The following CERS3 variants were observed in gnomAD, a reference collection of about 807,000 sequenced individuals.
CERS3 encodes LAG1 homolog, ceramide synthase 3.
A neutral mutation model predicts 50.3 loss-of-function variants in CERS3; 33 were observed. That is an observed-to-expected ratio of 0.66 (90% confidence interval 0.50 to 0.88). The LOEUF (loss-of-function observed/expected upper bound fraction) is 0.88, where lower values mean the gene tolerates loss of function less well. Ranked by LOEUF, CERS3 falls within the 40% of genes least tolerant of loss-of-function variation. CERS3 has a pLI of 0.00. For synonymous variants in CERS3, 176 were observed against 155.2 expected (o/e 1.13, Z -0.99); for missense variants, 470 against 460.3 (o/e 1.02, Z -0.19).
intron 10 of CERS3, among the ~76,000 whole-genome samples, chr15:100,464,694 T>G (rs149174433): frequency 4.4e-4 from 67 of 152,278 alleles, no homozygotes; most frequent in African/African-American, 1.6e-3. Context: ...AATTCCAAAC[T>G]AGAGAAATCA....
intron 11 of CERS3, among the ~76,000 whole-genome samples, chr15:100,442,867 G>A (rs1035853182): frequency 7.2e-5 from 11 of 152,092 alleles, no homozygotes; most frequent in South Asian, 2.1e-4. Context: ...TAATCAATAC[G>A]GAGGCTACCC....
chr15:100,443,012 T>C (rs1363539037), intron 11 of CERS3, among the ~76,000 whole-genome samples: 1 of 151,698 alleles, frequency 6.6e-6, no homozygotes, highest in Non-Finnish European at 1.5e-5. Context: ...TTTTAAGCAC[T>C]CCTTTTTAGT....
At chr15:100,488,741 TTCAATAGATGAAG>T (rs1288524470) in intron 4 of CERS3, among the ~76,000 whole-genome samples, 1 of 152,034 alleles carries the variant, frequency 6.6e-6, no homozygotes, top group African/African-American at 2.4e-5. Context: ...ACCTTTTTGG[TTCAATAGATGAAG>T]CTAACACTTC....
chr15:100,423,526 C>G (rs1024234636), intron 11 of CERS3, among the ~76,000 whole-genome samples: 42 of 152,156 alleles, frequency 2.8e-4, no homozygotes, highest in African/African-American at 9.9e-4. Context: ...GAGCAGAAAA[C>G]CAAGTACTGT....
intron 2 of CERS3, chr15:100,503,894 A>G (rs780311823): frequency 6.5e-5 from 24 of 371,824 alleles, no homozygotes; most frequent in Admixed American, 4.1e-4. Context: ...CCCCAGAGAG[A>G]AGTGAGATTG....
In CERS3 at chr15:100,501,810, A is replaced by G. The variant is rs1446258628; in HGVS notation, c.40T>C (p.Phe14Leu). ...TFKEWFWLER[F>L]WLPPTIKWSD... is the part of the protein sequence containing the mutation. Reference sequence around the variant, plus strand: ...CACTTTATTGTTGGAGGAAGCCAGAATCTTTCCAACCAGAACCATTCTTTA... The same window carrying G: ...CACTTTATTGTTGGAGGAAGCCAGAGTCTTTCCAACCAGAACCATTCTTTA... Residue 14 changes from phenylalanine (F) to leucine (L), a missense_variant, in exon 3 of 12, where the codon TTC becomes CTC. Coordinates refer to ENST00000679737, the MANE Select transcript of CERS3 (RefSeq NM_001378789.1). 1.9e-6 allele frequency: 3 copies of G among 1,614,088 alleles called. No homozygotes were observed. The highest frequency in any genetic ancestry group is 2.5e-6 in the Non-Finnish European group (3 of 1,180,008).
chr15:100,466,812 C>CCTCT (rs1393821849), intron 10 of CERS3, among the ~76,000 whole-genome samples: 2,607 of 15,898 alleles, frequency 0.16, 478 homozygotes, highest in Middle Eastern at 0.32. Context: ...TCCCTCCCTC[C>CCTCT]CTCCCTCTCT....
At position 100,471,679 on chromosome 15, in the gene CERS3, C is replaced by T. The variant is rs142293238; in HGVS notation, c.738+1245G>A. Among the ~76,000 whole-genome samples the T allele has an allele frequency of 1.9e-3, 296 of 152,316 alleles. 1 individual carries two copies. Among genetic ancestry groups the T allele is most frequent in the African/African-American group, 6.8e-3 (282 of 41,568 alleles). ...CAGCACCATACAGAAAAAAACGGCA[C>T]AATCCTTCTCCTGCTAAGTCATTTG... On this transcript the variant is annotated intron_variant, in intron 9 of 11. Coordinates refer to ENST00000679737, the MANE Select transcript of CERS3 (RefSeq NM_001378789.1).
chr15:100,498,607 T>G (rs1204046775), intron 3 of CERS3, among the ~76,000 whole-genome samples: 1 of 152,236 alleles, frequency 6.6e-6, no homozygotes, highest in Non-Finnish European at 1.5e-5. Flanking sequence ...ATTGCAGAAC[T>G]GAGCCTTCAG....
At chr15:100,479,236 C>T (rs1003384226) in intron 7 of CERS3, among the ~76,000 whole-genome samples, 192 bp downstream of exon 7, 1 of 151,846 alleles carries the variant, frequency 6.6e-6, no homozygotes, top group Admixed American at 6.6e-5. Context: ...TATGTAATTA[C>T]ATTAACTGTA....
At chr15:100,479,628 C>A in intron 6 of CERS3, 150 bp from the exon 7 acceptor site, 1 of 616,550 alleles carries the variant, frequency 1.6e-6, no homozygotes, top group Admixed American at 3.1e-5. Flanking sequence ...TATTCTTTTG[C>A]TTCTATTGCA....
chr15:100,456,685 G>A (rs1452100619), intron 10 of CERS3, among the ~76,000 whole-genome samples: 1 of 152,146 alleles, frequency 6.6e-6, no homozygotes, highest in South Asian at 2.1e-4. Flanking sequence ...GGTGGCTCAT[G>A]CCTGTAATAC....
chr15:100,493,799 A>C (rs1411622713), intron 3 of CERS3, among the ~76,000 whole-genome samples: 1 of 152,136 alleles, frequency 6.6e-6, no homozygotes, highest in Non-Finnish European at 1.5e-5. Flanking sequence ...GATTTCAGTC[A>C]TTGTAGTTTT....
intron 11 of CERS3, among the ~76,000 whole-genome samples, chr15:100,450,918 G>T (rs1251831266): frequency 6.6e-6 from 1 of 151,918 alleles, no homozygotes; most frequent in Non-Finnish European, 1.5e-5. Flanking sequence ...GGGGGAGGGG[G>T]GGAACCTGTT....
intron 11 of CERS3, among the ~76,000 whole-genome samples, chr15:100,427,489 G>A (rs1439968725): frequency 1.3e-5 from 2 of 152,156 alleles, no homozygotes; most frequent in East Asian, 3.9e-4. Flanking sequence ...GCCAGGAAAG[G>A]GTTAAAAGTT....
chr15:100,475,074 T>C (rs2035084494), intron 8 of CERS3, among the ~76,000 whole-genome samples: 1 of 152,190 alleles, frequency 6.6e-6, no homozygotes. Flanking sequence ...ATAAAGACTT[T>C]CTAAAAAATG....
intron 4 of CERS3, among the ~76,000 whole-genome samples, chr15:100,485,821 G>A (rs2035467152): frequency 6.6e-6 from 1 of 152,130 alleles, no homozygotes; most frequent in African/African-American, 2.4e-5. Flanking sequence ...CCAAGATTGT[G>A]ACACTGTACT....
intron 11 of CERS3, among the ~76,000 whole-genome samples, chr15:100,409,093 G>A (rs760170335): frequency 4.6e-5 from 7 of 152,132 alleles, no homozygotes; most frequent in African/African-American, 1.4e-4. Flanking sequence ...GGCAACCCAG[G>A]TCTATATGAG....
intron 5 of CERS3, among the ~76,000 whole-genome samples, chr15:100,482,355 C>A (rs989294492): frequency 2.0e-5 from 3 of 152,078 alleles, no homozygotes; most frequent in African/African-American, 7.2e-5. Context: ...GAGGAATGGG[C>A]AGAGTGGTGA....
Sources: gnomAD v4.1 joint callset for allele counts (sites outside exome capture counted in the v4.1 genomes callset) on GRCh38, gnomAD v4.1.1 for gene constraint, MANE v1.5 for transcripts, NCBI Gene and HGNC (gene_info 2026-07-23, HGNC 2026-07-21) for gene names.